Variants in LRIG1 observed in about 807,000 individuals in gnomAD.
The protein encoded by LRIG1 is leucine rich repeats and immunoglobulin like domains 1, also known as leucine-rich repeats and immunoglobulin-like domains protein 1.
Under a neutral mutation model 99.2 loss-of-function variants are expected in LRIG1, and 48 were observed. The observed-to-expected ratio is 0.48, with a 90% CI of 0.38 to 0.62. The LOEUF (loss-of-function observed/expected upper bound fraction) is 0.62. Ranked by LOEUF, LRIG1 falls within the 20% of genes least tolerant of loss-of-function variation. LRIG1 has a pLI of 0.00. For missense variants in LRIG1, 1,646 were observed against 1,434.4 expected (o/e 1.15, Z -2.38); for synonymous variants, 772 against 596.1 (o/e 1.29, Z -4.30).
chr3:66,465,247 G>C (rs1368733544), intron 1 of LRIG1, among the ~76,000 whole-genome samples: 3 of 151,960 alleles, frequency 2.0e-5, no homozygotes, highest in East Asian at 3.8e-4. Flanking sequence ...AGGTTTATTG[G>C]GAAATAAGGA....
chr3:66,470,212 T>C (rs745421273), intron 1 of LRIG1, among the ~76,000 whole-genome samples: 4 of 152,184 alleles, frequency 2.6e-5, no homozygotes, highest in Non-Finnish European at 5.9e-5. Flanking sequence ...CTCCTTATTG[T>C]CTCACCCATG....
intron 5 of LRIG1, 137 bp downstream of exon 5, chr3:66,414,783 T>C: frequency 1.1e-6 from 1 of 885,230 alleles, no homozygotes. Flanking sequence ...TATGAGGTGC[T>C]GCCATTAATG....
At chr3:66,499,378 T>A (rs534075578) in intron 1 of LRIG1, among the ~76,000 whole-genome samples, 1 of 152,224 alleles carries the variant, frequency 6.6e-6, no homozygotes, top group East Asian at 1.9e-4. Context: ...TCTCCAAAAC[T>A]CATTTGCACC....
rs549791083 is a variant in LRIG1 at position 66,487,054 on chromosome 3, C to T, written c.218+13136G>A. On this transcript the variant is annotated intron_variant, in intron 1 of 18. Coordinates refer to ENST00000273261, the MANE Select transcript of LRIG1 (RefSeq NM_015541.3). ...AATTCTTCTAACAATAACTCCACGG[C>T]GTCTGGCACCAACACATCTGATTCT... is the stretch of plus-strand genomic sequence containing the variant. Among the ~76,000 whole-genome samples the T allele has an allele frequency of 5.3e-5, 8 of 152,232 alleles. 1 individual carries two copies. Among genetic ancestry groups the T allele is most frequent in the East Asian group, 1.9e-4 (1 of 5,176 alleles).
intron 8 of LRIG1, 120 bp downstream of exon 8, chr3:66,407,228 G>T: frequency 9.3e-7 from 1 of 1,072,040 alleles, no homozygotes; most frequent in Non-Finnish European, 1.4e-6. Flanking sequence ...GAGCAAGCCA[G>T]CTTTGGATCC....
chr3:66,380,552 C>CTGTT (rs1559761553), intron 18 of LRIG1, 25 bp downstream of exon 18: 15 of 1,613,362 alleles, frequency 9.3e-6, no homozygotes, highest in South Asian at 3.3e-5. Context: ...CCCAACCCAC[C>CTGTT]TGTTAGAAGA....
At chr3:66,422,883 G>A (rs1011726632) in intron 3 of LRIG1, among the ~76,000 whole-genome samples, 1 of 152,208 alleles carries the variant, frequency 6.6e-6, no homozygotes, top group Admixed American at 6.5e-5. Context: ...CAGAAGGCGA[G>A]GAGGAACAAA....
At chr3:66,480,584 C>T (rs1481298159) in intron 1 of LRIG1, among the ~76,000 whole-genome samples, 2 of 152,096 alleles carry the variant, frequency 1.3e-5, no homozygotes, top group South Asian at 2.1e-4. Context: ...TGCCCCTCTA[C>T]GTGCCAGGAG....
intron 1 of LRIG1, among the ~76,000 whole-genome samples, chr3:66,466,413 A>G (rs1221035503): frequency 6.6e-6 from 1 of 152,240 alleles, no homozygotes; most frequent in Non-Finnish European, 1.5e-5. Flanking sequence ...GTATCCATTC[A>G]TCACAGATGA....
chr3:66,474,371 G>T, intron 1 of LRIG1, among the ~76,000 whole-genome samples: 1 of 147,422 alleles, frequency 6.8e-6, no homozygotes. Flanking sequence ...TTGAAATGGA[G>T]TTTCACTCTT....
At chr3:66,476,557 C>T (rs1291364754) in intron 1 of LRIG1, among the ~76,000 whole-genome samples, 1 of 152,150 alleles carries the variant, frequency 6.6e-6, no homozygotes, top group African/African-American at 2.4e-5. Flanking sequence ...TCCTCAAATC[C>T]CCTTTTTCCA....
At chr3:66,435,728 T>A (rs1575689368) in intron 3 of LRIG1, among the ~76,000 whole-genome samples, 1 of 152,122 alleles carries the variant, frequency 6.6e-6, no homozygotes, top group Non-Finnish European at 1.5e-5. Flanking sequence ...GTACAAGATG[T>A]CACCATTGGG....
chr3:66,383,033 TGCA>T lies in LRIG1; in HGVS notation c.2437_2439del (p.Cys813del). On this transcript the variant is annotated inframe_deletion, in exon 15 of 19. Coordinates refer to ENST00000273261, the MANE Select transcript of LRIG1 (RefSeq NM_015541.3). The stretch of plus-strand genomic sequence containing the variant: ...CTCTTCTTCCTGGTCTGGTAGATGA[TGCA>T]CACCCAGACCAGTGACGTCAGGACG... 6.2e-7 allele frequency: 1 copy of T among 1,614,204 alleles called. No individual in the cohort carries two copies. The highest frequency in any genetic ancestry group is 8.5e-7 in the Non-Finnish European group (1 of 1,180,024).
Position 66,500,195 on chromosome 3 carries a change from C to T in LRIG1, c.213G>A (p.Arg71=), listed in dbSNP as rs781553286. 415 of 1,516,100 alleles carry T rather than the reference C, an allele frequency of 2.7e-4. No individual in the cohort carries two copies. Among genetic ancestry groups the T allele is most frequent in the Non-Finnish European group, 3.6e-4 (405 of 1,138,654 alleles). The allele number at this position is 1,516,100 out of a possible 1,614,324, so 93.9% of individuals were successfully genotyped here. A position where few individuals can be genotyped will look rare whatever the true frequency, so the allele number is the denominator to read the frequency against. The part of the protein sequence containing the change: ...ALPGDLPSWT[R]SLNLSYNKLS... ...GCGGAAAGGGCGGCACTCACAGGCT[C>T]CGCGTCCAGGAGGGCAGGTCCCCGG... Residue 71 remains arginine, a synonymous_variant, in exon 1 of 19, where the codon CGG becomes CGA. Transcript: ENST00000273261.
chr3:66,433,677 T>C (rs1703252078), intron 3 of LRIG1, among the ~76,000 whole-genome samples: 1 of 152,248 alleles, frequency 6.6e-6, no homozygotes, highest in South Asian at 2.1e-4. Flanking sequence ...GCCTTCAGCA[T>C]ATGACCTGAC....
Position 66,501,013 on chromosome 3 carries a change from G to C in LRIG1, c.-606C>G, listed in dbSNP as rs1256912480. 3 of 152,468 alleles carry C rather than the reference G, an allele frequency of 2.0e-5. No individual in the cohort carries two copies. Among genetic ancestry groups the C allele is most frequent in the African/African-American group, 7.2e-5 (3 of 41,420 alleles). 9.4% of individuals were successfully genotyped at this position (152,468 alleles called of 1,614,324 possible). On this transcript the variant is annotated 5_prime_UTR_variant, in exon 1 of 19. Transcript: ENST00000273261. ...CGCCGACCTCGCAGCCGAACAATCA[G>C]CCGCTTGCTGTTCGCCTCCCCGCGG...
intron 3 of LRIG1, among the ~76,000 whole-genome samples, chr3:66,444,667 C>T (rs1018576713): frequency 2.0e-5 from 3 of 152,154 alleles, no homozygotes; most frequent in African/African-American, 7.2e-5. Context: ...AAGCCAGAAA[C>T]GAGGGTAAGA....
At chr3:66,483,047 TAGCACCCCCTCC>T (rs1299595063) in intron 1 of LRIG1, among the ~76,000 whole-genome samples, 1 of 152,120 alleles carries the variant, frequency 6.6e-6, no homozygotes, top group Admixed American at 6.5e-5. Context: ...AACAGATCAA[TAGCACCCCCTCC>T]AGCACCCCCC....
At chr3:66,474,166 G>GAAA (rs1298214431) in intron 1 of LRIG1, among the ~76,000 whole-genome samples, 1 of 152,154 alleles carries the variant, frequency 6.6e-6, no homozygotes, top group Non-Finnish European at 1.5e-5. Flanking sequence ...ATTACAAGCA[G>GAAA]AAAATAGCAG....
Sources: gnomAD v4.1 joint callset for allele counts (sites outside exome capture counted in the v4.1 genomes callset) on GRCh38, gnomAD v4.1.1 for gene constraint, MANE v1.5 for transcripts, NCBI Gene and HGNC (gene_info 2026-07-23, HGNC 2026-07-21) for gene names.